The following TBCEL variants were observed in gnomAD, a reference collection of about 807,000 sequenced individuals.
The protein encoded by TBCEL is tubulin-specific chaperone cofactor E-like protein.
TBCEL carries 15 observed loss-of-function variants against 44.2 expected under a neutral mutation model. That is an observed-to-expected ratio of 0.34 (90% CI 0.23 to 0.52). The LOEUF (loss-of-function observed/expected upper bound fraction) is 0.52, where lower values mean the gene tolerates loss of function less well. TBCEL is among the 20% of genes least tolerant of loss of function. TBCEL has a pLI of 0.95. For missense variants in TBCEL, 319 were observed against 506.3 expected, an observed-to-expected ratio of 0.63 and a Z score of 3.55; for synonymous variants, 171 against 185.4, an observed-to-expected ratio of 0.92 and a Z score of 0.63.
At chr11:121,028,210 T>G (rs578233856) in intron 1 of TBCEL, among the ~76,000 whole-genome samples, 1 of 143,210 alleles carries the variant, frequency 7.0e-6, no homozygotes, top group African/African-American at 2.6e-5. Flanking sequence ...TTTAAAAAAA[T>G]AAATAAATAA....
chr11:121,066,733 G>C (rs533510502), intron 8 of TBCEL, among the ~76,000 whole-genome samples: 3 of 152,256 alleles, frequency 2.0e-5, no homozygotes, highest in African/African-American at 7.2e-5. Flanking sequence ...CAGAGTATTA[G>C]TATTATACTT....
intron 8 of TBCEL, among the ~76,000 whole-genome samples, chr11:121,073,055 A>G (rs914592561): frequency 7.2e-5 from 11 of 152,036 alleles, no homozygotes; most frequent in African/African-American, 2.7e-4. Flanking sequence ...ATTACTTTAT[A>G]TTAAGTCTTA....
chr11:121,076,356 G>A (rs951223206), intron 8 of TBCEL, among the ~76,000 whole-genome samples: 3 of 151,740 alleles, frequency 2.0e-5, no homozygotes, highest in Admixed American at 6.6e-5. Context: ...TTTTAAAAAT[G>A]GTGTTGTGTA....
intron 1 of TBCEL, among the ~76,000 whole-genome samples, chr11:121,033,049 T>G (rs537534772): frequency 1.3e-5 from 2 of 152,336 alleles, no homozygotes; most frequent in African/African-American, 4.8e-5. Flanking sequence ...ACACATATCT[T>G]TATAGCATTT....
chr11:121,039,495 G>A (rs917399084), intron 2 of TBCEL, among the ~76,000 whole-genome samples: 7 of 152,132 alleles, frequency 4.6e-5, no homozygotes, highest in African/African-American at 9.7e-5. Context: ...AGTGTTTGGC[G>A]TAGATTTAGC....
At chr11:121,033,163 AATC>A (rs1945173118) in intron 1 of TBCEL, among the ~76,000 whole-genome samples, 1 of 152,202 alleles carries the variant, frequency 6.6e-6, no homozygotes, top group Non-Finnish European at 1.5e-5. Flanking sequence ...TTATATTTAT[AATC>A]ATGTTATTCA....
chr11:121,041,081 G>A (rs1258286219), intron 2 of TBCEL, among the ~76,000 whole-genome samples: 3 of 152,104 alleles, frequency 2.0e-5, no homozygotes, highest in South Asian at 2.1e-4. Context: ...ACTACTCTAC[G>A]CTGTTTCTTT....
intron 1 of TBCEL, among the ~76,000 whole-genome samples, chr11:121,026,355 T>G (rs1945046652): frequency 6.6e-6 from 1 of 152,224 alleles, no homozygotes; most frequent in South Asian, 2.1e-4. Flanking sequence ...TCATGTAATG[T>G]TAAATGTTGT....
chr11:121,084,796 G>A (rs973992493), intron 8 of TBCEL, among the ~76,000 whole-genome samples: 2 of 151,982 alleles, frequency 1.3e-5, no homozygotes, highest in African/African-American at 4.8e-5. Flanking sequence ...TCATAACCTA[G>A]TTTCAGTTAT....
chr11:121,081,014 C>T (rs1401448340), intron 8 of TBCEL, among the ~76,000 whole-genome samples: 2 of 152,168 alleles, frequency 1.3e-5, no homozygotes, highest in East Asian at 3.8e-4. Context: ...TTGTTAGTAT[C>T]ACCTTCAACC....
intron 8 of TBCEL, among the ~76,000 whole-genome samples, chr11:121,060,713 A>G (rs993940030): frequency 6.6e-6 from 1 of 151,904 alleles, no homozygotes; most frequent in African/African-American, 2.4e-5. Context: ...GCAAACATTC[A>G]AGAAAAAAAA....
chr11:121,047,342 G>C (rs1422060633), intron 3 of TBCEL, among the ~76,000 whole-genome samples, 186 bp from the exon 4 acceptor site: 1 of 151,846 alleles, frequency 6.6e-6, no homozygotes, highest in East Asian at 1.9e-4. Flanking sequence ...AACTCCTCCT[G>C]GGCAATAACT....
intron 8 of TBCEL, among the ~76,000 whole-genome samples, chr11:121,070,461 C>G (rs796427186): frequency 6.6e-6 from 1 of 152,124 alleles, no homozygotes; most frequent in African/African-American, 2.4e-5. Context: ...TCCAAATGTC[C>G]ATCAGTGATA....
At chr11:121,047,855 G>T in intron 4 of TBCEL, 188 bp downstream of exon 4, 1 of 620,446 alleles carries the variant, frequency 1.6e-6, no homozygotes, top group South Asian at 3.0e-5. Flanking sequence ...CCAGTGCTAA[G>T]GAGGCTGAGG....
chr11:121,027,773 A>G (rs68097814), intron 1 of TBCEL, among the ~76,000 whole-genome samples: 28,696 of 152,012 alleles, frequency 0.19, 2,824 homozygotes, highest in East Asian at 0.33. Context: ...TGTGCACCTT[A>G]TTTTTATCCC....
intron 2 of TBCEL, among the ~76,000 whole-genome samples, chr11:121,040,064 T>C (rs1591384719): frequency 6.6e-6 from 1 of 152,344 alleles, no homozygotes; most frequent in African/African-American, 2.4e-5. Context: ...TGAATTATTG[T>C]GATTTCTTTT....
chr11:121,080,197 TACATTTCTTAA>T (rs1349904887), intron 8 of TBCEL, among the ~76,000 whole-genome samples: 1 of 152,222 alleles, frequency 6.6e-6, no homozygotes, highest in Non-Finnish European at 1.5e-5. Flanking sequence ...TTTTGTTTGT[TACATTTCTTAA>T]AGAGAGAGAT....
chr11:121,064,419 G>T (rs1004697631), intron 8 of TBCEL, among the ~76,000 whole-genome samples: 1 of 152,270 alleles, frequency 6.6e-6, no homozygotes, highest in South Asian at 2.1e-4. Context: ...TAGTGTTTTT[G>T]TTGAAACAGA....
At chr11:121,059,290 C>A (rs954124045) in intron 7 of TBCEL, among the ~76,000 whole-genome samples, 1 of 151,924 alleles carries the variant, frequency 6.6e-6, no homozygotes, top group South Asian at 2.1e-4. Context: ...TTGAAGAATA[C>A]GTCTTGCAGT....
Sources: gnomAD v4.1 joint callset for allele counts (sites outside exome capture counted in the v4.1 genomes callset) on GRCh38, gnomAD v4.1.1 for gene constraint, MANE v1.5 for transcripts, NCBI Gene and HGNC (gene_info 2026-07-23, HGNC 2026-07-21) for gene names.